Variants in FAM135B observed in about 807,000 individuals in gnomAD.
FAM135B encodes family with sequence similarity 135 member B.
Under a neutral mutation model 127.7 loss-of-function variants are expected in FAM135B, and 43 were observed. The observed-to-expected ratio is 0.34, with a 90% CI of 0.26 to 0.43. The LOEUF is 0.43. Ranked by LOEUF, FAM135B falls within the 20% of genes least tolerant of loss-of-function variation. FAM135B has a pLI of 1.00. For synonymous variants in FAM135B, 670 were observed against 665.1 expected, an observed-to-expected ratio of 1.01 and a Z score of -0.11; for missense variants, 1,558 against 1,725.6, an observed-to-expected ratio of 0.90 and a Z score of 1.72.
intron 11 of FAM135B, among the ~76,000 whole-genome samples, chr8:138,172,644 T>C (rs1450037196): frequency 6.6e-6 from 1 of 152,220 alleles, no homozygotes; most frequent in Non-Finnish European, 1.5e-5. Context: ...GTTAGCTTTT[T>C]AATTCATTGT....
intron 2 of FAM135B, among the ~76,000 whole-genome samples, chr8:138,319,870 C>A (rs1827337052): frequency 6.6e-6 from 1 of 152,122 alleles, no homozygotes; most frequent in Admixed American, 6.5e-5. Flanking sequence ...CATGGGTATA[C>A]TCAATGCAAT....
At chr8:138,382,006 T>C (rs995458679) in intron 1 of FAM135B, among the ~76,000 whole-genome samples, 2 of 152,042 alleles carry the variant, frequency 1.3e-5, no homozygotes, top group African/African-American at 4.8e-5. Context: ...AAGGCTGGCA[T>C]TTCAGACATG....
At chr8:138,299,066 A>AATAAATAC (rs781736875) in intron 3 of FAM135B, among the ~76,000 whole-genome samples, 4,073 of 134,228 alleles carry the variant, frequency 0.03, 207 homozygotes, top group East Asian at 0.18. Context: ...TCTCAAAATA[A>AATAAATAC]ATAAATAAAT....
intron 6 of FAM135B, among the ~76,000 whole-genome samples, chr8:138,246,570 G>A (rs1821305531): frequency 6.6e-6 from 1 of 152,186 alleles, no homozygotes; most frequent in East Asian, 1.9e-4. Flanking sequence ...AGATTTCAGA[G>A]GCTATATGGA....
At chr8:138,177,634 AC>A (rs1814600648) in intron 10 of FAM135B, among the ~76,000 whole-genome samples, 1 of 152,184 alleles carries the variant, frequency 6.6e-6, no homozygotes, top group Non-Finnish European at 1.5e-5. Flanking sequence ...GTTTATGAAC[AC>A]ACGTGAATGC....
chr8:138,342,699 GC>G (rs1829138603), intron 2 of FAM135B, among the ~76,000 whole-genome samples: 1 of 152,120 alleles, frequency 6.6e-6, no homozygotes, highest in Non-Finnish European at 1.5e-5. Flanking sequence ...GATGCCACAG[GC>G]CCCCTCCAAT....
Position 138,492,999 on chromosome 8 carries a change from C to T in FAM135B, c.-20+3672G>A, listed in dbSNP as rs573837067. On this transcript the variant is annotated intron_variant, in intron 1 of 19. Coordinates refer to ENST00000395297, the MANE Select transcript of FAM135B (RefSeq NM_015912.4). ...GCAGGGCAGGCTACTTATGCAAATG[C>T]CCTGTACCAGGCACATCACAGCACC... Among the ~76,000 whole-genome samples, 4 of 152,250 alleles carry T rather than the reference C, an allele frequency of 2.6e-5. No individual in the cohort carries two copies. In the East Asian group the frequency reaches 7.8e-4, roughly 30 times the overall value.
chr8:138,441,301 G>A (rs911003315), intron 1 of FAM135B: 1 of 152,182 alleles, frequency 6.6e-6, no homozygotes, highest in African/African-American at 2.4e-5. Flanking sequence ...TGTAGTCACA[G>A]GGAAGATAAG....
intron 1 of FAM135B, among the ~76,000 whole-genome samples, chr8:138,476,691 C>A (rs891490838): frequency 1.3e-5 from 2 of 152,206 alleles, no homozygotes; most frequent in East Asian, 3.9e-4. Flanking sequence ...TCCTTTCATG[C>A]TTTTCATAGC....
intron 7 of FAM135B, among the ~76,000 whole-genome samples, chr8:138,236,496 T>G (rs562280655): frequency 1.6e-4 from 25 of 152,054 alleles, no homozygotes; most frequent in African/African-American, 6.0e-4. Flanking sequence ...ACAACCTTCT[T>G]TGGTTAAACA....
At chr8:138,333,835 C>G (rs1326748072) in intron 2 of FAM135B, among the ~76,000 whole-genome samples, 1 of 152,166 alleles carries the variant, frequency 6.6e-6, no homozygotes, top group Non-Finnish European at 1.5e-5. Flanking sequence ...ACTGTTCAAC[C>G]TACTTATTTG....
intron 1 of FAM135B, among the ~76,000 whole-genome samples, chr8:138,452,533 TTC>T (rs1432598695): frequency 6.6e-6 from 1 of 152,150 alleles, no homozygotes; most frequent in Non-Finnish European, 1.5e-5. Flanking sequence ...TGGCGCGAGC[TTC>T]AGCTTCTACA....
chr8:138,304,954 G>A (rs1372051752), intron 3 of FAM135B, among the ~76,000 whole-genome samples: 1 of 152,058 alleles, frequency 6.6e-6, no homozygotes, highest in Non-Finnish European at 1.5e-5. Flanking sequence ...CCACCCTGCC[G>A]GCCACCCTGC....
intron 2 of FAM135B, among the ~76,000 whole-genome samples, chr8:138,357,162 C>A (rs1458408293): frequency 6.6e-6 from 1 of 152,028 alleles, no homozygotes; most frequent in African/African-American, 2.4e-5. Flanking sequence ...GAAAAAAAGA[C>A]AATTTTAAAT....
At chr8:138,191,271 C>T (rs566313032) in intron 9 of FAM135B, among the ~76,000 whole-genome samples, 10 of 152,294 alleles carry the variant, frequency 6.6e-5, no homozygotes, top group East Asian at 1.9e-4. Context: ...CAGGACTGTG[C>T]CCTGCAGTCT....
rs2130765977 is a variant in FAM135B at position 138,152,347 on chromosome 8, C to T, written c.2128G>A (p.Asp710Asn). The change falls in exon 13 of 20, where the codon GAT (aspartate) becomes AAT (asparagine). Residue 710 changes from aspartate (D) to asparagine (N), a missense_variant. Around this residue, in one of 5 missense-constraint regions of FAM135B, gnomAD observed 923 missense variants for 865.3 expected, o/e 1.07. Transcript: ENST00000395297. ...ARSRALELPS[D>N]REVLHPFVRR... ...ACAAACGGGTGCAAGACTTCCCGAT[C>T]ACTGGGCAACTCCAGAGCCCTGCTT... 6.2e-7 allele frequency: 1 copy of T among 1,614,164 alleles called. No homozygotes were observed. Among genetic ancestry groups the T allele is most frequent in the Non-Finnish European group, 8.5e-7 (1 of 1,180,018 alleles).
chr8:138,375,961 G>T (rs1286457891), intron 1 of FAM135B, among the ~76,000 whole-genome samples: 1 of 152,028 alleles, frequency 6.6e-6, no homozygotes, highest in African/African-American at 2.4e-5. Flanking sequence ...GCATCAACTG[G>T]GTTCAGCCTT....
intron 1 of FAM135B, among the ~76,000 whole-genome samples, chr8:138,425,800 A>G (rs1481053367): frequency 1.3e-5 from 2 of 151,694 alleles, no homozygotes; most frequent in African/African-American, 2.4e-5. Flanking sequence ...AAGTCACATA[A>G]AAGAATGAGG....
At chr8:138,449,719 A>G (rs570319289) in intron 1 of FAM135B, among the ~76,000 whole-genome samples, 1 of 152,280 alleles carries the variant, frequency 6.6e-6, no homozygotes, top group South Asian at 2.1e-4. Flanking sequence ...GAGATTTCCC[A>G]TAAACCCCCT....
Sources: allele counts gnomAD v4.1 joint callset (sites outside exome capture counted in the v4.1 genomes callset), GRCh38; gene constraint gnomAD v4.1.1; regional missense constraint gnomAD v4.1.1; transcripts MANE v1.5; gene names NCBI Gene and HGNC (gene_info 2026-07-23, HGNC 2026-07-21).